DNAH17: variants seen among roughly 807,000 people sequenced by gnomAD.
DNAH17 encodes the protein axonemal beta dynein heavy chain 17.
In DNAH17, 376 loss-of-function variants were observed where a neutral mutation model predicts 485.6. The observed-to-expected ratio is 0.77, with a 90% CI of 0.71 to 0.84. The LOEUF is 0.84. DNAH17 is among the 40% of genes least tolerant of loss of function. The pLI, the probability that DNAH17 is intolerant of heterozygous loss-of-function variation, is 0.00. For missense variants in DNAH17, 6,370 were observed against 5,839.3 expected (o/e 1.09, Z -2.96); for synonymous variants, 3,031 against 2,405.9 (o/e 1.26, Z -7.60).
At position 78,423,706 on chromosome 17, in the gene DNAH17, C is replaced by T; in HGVS notation, c.*200G>A. ...AATGGATGGGCACAGCTGAGTGGCT[C>T]CACTGGCTTTAATCTGCCCCACCTC... On this transcript the variant is annotated 3_prime_UTR_variant, in exon 81 of 81. Transcript: ENST00000389840. 1 of 636,668 alleles carries T rather than the reference C, an allele frequency of 1.6e-6. No individual in the cohort carries two copies. The highest frequency in any genetic ancestry group is 2.0e-5 in the South Asian group (1 of 51,146). The allele number at this position is 636,668 out of a possible 1,614,324, so 39.4% of individuals were successfully genotyped here.
At chr17:78,553,096 C>T (rs978874826) in intron 14 of DNAH17, among the ~76,000 whole-genome samples, 1 of 152,002 alleles carries the variant, frequency 6.6e-6, no homozygotes, top group East Asian at 1.9e-4. Context: ...TAGCACCTCC[C>T]CCACTTCTCT....
chr17:78,483,101 A>G (rs8081738), intron 48 of DNAH17, among the ~76,000 whole-genome samples: 114,007 of 151,896 alleles, frequency 0.75, 42,924 homozygotes, highest in Admixed American at 0.82. Flanking sequence ...CTGTCTGGGT[A>G]CCCTCAAATC....
intron 54 of DNAH17, 72 bp from the exon 55 acceptor site, chr17:78,468,955 A>G: frequency 6.5e-7 from 1 of 1,528,046 alleles, no homozygotes; most frequent in South Asian, 1.3e-5. Flanking sequence ...TCCACAACCA[A>G]CCAGAGCACA....
chr17:78,552,519 T>C (rs2091925281), intron 15 of DNAH17, among the ~76,000 whole-genome samples, 178 bp downstream of exon 15: 1 of 151,612 alleles, frequency 6.6e-6, no homozygotes, highest in East Asian at 1.9e-4. Flanking sequence ...GGGCTTTTTT[T>C]TTTTTTTTTT....
intron 16 of DNAH17, among the ~76,000 whole-genome samples, chr17:78,549,778 T>G (rs966661147): frequency 6.6e-6 from 1 of 151,914 alleles, no homozygotes; most frequent in African/African-American, 2.4e-5. Context: ...GCCTCCAGAG[T>G]GGGCCTCCTC....
chr17:78,568,551 TCTCA>T (rs1158693979), intron 9 of DNAH17, among the ~76,000 whole-genome samples: 10 of 145,912 alleles, frequency 6.9e-5, no homozygotes, highest in African/African-American at 2.8e-4. Context: ...TCTTGATCCC[TCTCA>T]TCTCTTCTCT....
At chr17:78,432,202 A>G (rs2086699194) in intron 75 of DNAH17, among the ~76,000 whole-genome samples, 1 of 148,690 alleles carries the variant, frequency 6.7e-6, no homozygotes, top group Admixed American at 6.7e-5. Context: ...AAATAAATAA[A>G]TAAAATAAAT....
In DNAH17 at chr17:78,466,748, G is replaced by T. The variant is rs1198889606; in HGVS notation, c.8847C>A (p.Val2949=). ...RVRARKFPAV[V]NCTAIDWFHE... is the part of the protein sequence containing the mutation. ...GGAACCAGTCGATGGCCGTGCAGTT[G>T]ACCACAGCTGGGAACTTTCTGGCTC... Residue 2949 remains valine, a synonymous_variant, in exon 56 of 81, where the codon GTC becomes GTA. Coordinates refer to ENST00000389840, the MANE Select transcript of DNAH17 (RefSeq NM_173628.4). 2 of 1,612,394 alleles carry T rather than the reference G, an allele frequency of 1.2e-6. No homozygotes were observed. The highest frequency in any genetic ancestry group is 2.7e-5 in the African/African-American group (2 of 74,820).
chr17:78,500,445 T>G lies in DNAH17; in HGVS notation c.5500A>C (p.Thr1834Pro), dbSNP rs2146713092. The G allele has an allele frequency of 3.8e-6, 6 of 1,595,598 alleles. No individual in the cohort carries two copies. Among genetic ancestry groups the G allele is most frequent in the African/African-American group, 1.4e-5 (1 of 73,712 alleles). Residue 1834 changes from threonine (T) to proline (P), a missense_variant, in exon 36 of 81, where the codon ACC (threonine) becomes CCC (proline). Physicochemically the swap from Thr to Pro is conservative, Grantham distance 38 (BLOSUM62 -1). Transcript: ENST00000389840. ...PLTDRCYITL[T>P]QSLHLIMGGA... ...CCCATGATGAGATGGAGGGACTGGGTCAGGGTGATATAGCACCTGCAAGTG... is the reference window on the plus strand; with the variant it reads ...CCCATGATGAGATGGAGGGACTGGGGCAGGGTGATATAGCACCTGCAAGTG...
chr17:78,439,665 CTTTTTTTTT>C (rs11399691), intron 72 of DNAH17, among the ~76,000 whole-genome samples: 17 of 92,214 alleles, frequency 1.8e-4, no homozygotes, highest in Middle Eastern at 0.022. Context: ...CAGTACTTCA[CTTTTTTTTT>C]TTTTTTTTTT....
chr17:78,484,095 C>CAAAAAAAAAAAAAA (rs11290299), intron 48 of DNAH17, among the ~76,000 whole-genome samples: 1 of 38,352 alleles, frequency 2.6e-5, no homozygotes, highest in African/African-American at 1.2e-4. Context: ...GATTTCTCCT[C>CAAAAAAAAAAAAAA]AAAAAAAAAA....
In DNAH17 at chr17:78,560,871, T is replaced by TCA. The variant is rs1476921129; in HGVS notation, c.1898_1899dup (p.Arg634Ter). The TCA allele has an allele frequency of 6.4e-7, 1 of 1,551,568 alleles. No individual in the cohort carries two copies. Among genetic ancestry groups the TCA allele is most frequent in the African/African-American group, 1.4e-5 (1 of 73,016 alleles). On this transcript the variant is annotated frameshift_variant, in exon 13 of 81. Transcript: ENST00000389840. LOFTEE classifies it high-confidence loss of function. The stretch of plus-strand genomic sequence containing the variant: ...TGGTAGATCTTCTCGCGGTGGCACC[T>TCA]CAGCAGCTCCATCATCTCGTCATAC...
Position 78,455,752 on chromosome 17 carries a change from C to T in DNAH17, c.10062G>A (p.Gly3354=), listed in dbSNP as rs1404313199. ...CGAAGGCAGAGATGAGCAGGACGTC[C>T]CCACACAGCGTGACCCCCTGGCTCC... The part of the protein sequence containing the change: ...NFRSQGVTLC[G]DVLLISAFVS... The change falls in exon 63 of 81, where the codon GGG becomes GGA. Residue 3354 remains glycine, a synonymous_variant. Transcript: ENST00000389840. 1 of 1,613,388 alleles carries T rather than the reference C, an allele frequency of 6.2e-7. No homozygotes were observed. The highest frequency in any genetic ancestry group is 1.3e-5 in the African/African-American group (1 of 75,028).
At chr17:78,450,191 G>C in intron 68 of DNAH17, 63 bp downstream of exon 68, 2 of 1,590,748 alleles carry the variant, frequency 1.3e-6, no homozygotes, top group Admixed American at 3.4e-5. Context: ...AACAGGCCTG[G>C]CTGTGGAGCC....
intron 26 of DNAH17, among the ~76,000 whole-genome samples, chr17:78,512,031 G>A (rs2090648330): frequency 6.6e-6 from 1 of 152,202 alleles, no homozygotes; most frequent in South Asian, 2.1e-4. Context: ...CTTGGGCCTA[G>A]GGAGCAGAAG....
At chr17:78,426,862 G>A (rs1001436675) in intron 78 of DNAH17, 64 bp downstream of exon 78, 5 of 1,545,276 alleles carry the variant, frequency 3.2e-6, no homozygotes, top group Non-Finnish European at 4.4e-6. Context: ...GTTGCCAGAG[G>A]CCTGGGTTTC....
At chr17:78,548,659 A>C (rs1184202205) in intron 16 of DNAH17, among the ~76,000 whole-genome samples, 1 of 152,166 alleles carries the variant, frequency 6.6e-6, no homozygotes, top group East Asian at 1.9e-4. Context: ...TTTGCTGTTC[A>C]CACCTGAGGG....
rs774236532 is a variant in DNAH17, at chr17:78,425,332, A to G, written c.13141+14T>C. 9.9e-6 allele frequency: 16 copies of G among 1,610,988 alleles called. No homozygotes were observed. In the Admixed American group the frequency reaches 1.8e-4, roughly 18 times the overall value. On this transcript the variant is annotated intron_variant, in intron 80 of 80. Coordinates refer to ENST00000389840, the MANE Select transcript of DNAH17 (RefSeq NM_173628.4). Reference sequence around the variant, plus strand: ...CTCTGGAAGCTTCTGCAGACAGACAAGAGCCCTCCTTACCTTCCATGAAGA... The same window carrying G: ...CTCTGGAAGCTTCTGCAGACAGACAGGAGCCCTCCTTACCTTCCATGAAGA...
intron 20 of DNAH17, among the ~76,000 whole-genome samples, 159 bp from the exon 21 acceptor site, chr17:78,530,671 G>T (rs1316199279): frequency 1.3e-5 from 2 of 152,200 alleles, no homozygotes; most frequent in African/African-American, 4.8e-5. Flanking sequence ...GGGACACATG[G>T]GGGCCCTCAT....
Sources: allele counts gnomAD v4.1 joint callset (sites outside exome capture counted in the v4.1 genomes callset), GRCh38; gene constraint gnomAD v4.1.1; transcripts MANE v1.5; gene names NCBI Gene and HGNC (gene_info 2026-07-23, HGNC 2026-07-21).